Variants in STK32C observed in about 807,000 individuals in gnomAD.
The protein encoded by STK32C is serine/threonine-protein kinase 32C.
In STK32C, 31 loss-of-function variants were observed where a neutral mutation model predicts 56.5. The observed-to-expected ratio is 0.55, with a 90% confidence interval of 0.41 to 0.74. The LOEUF (loss-of-function observed/expected upper bound fraction) is 0.74. STK32C is among the 30% of genes least tolerant of loss of function. The pLI is 0.00. For synonymous variants in STK32C, 309 were observed against 289.4 expected, an observed-to-expected ratio of 1.07 and a Z score of -0.69; for missense variants, 544 against 676.9, an observed-to-expected ratio of 0.80 and a Z score of 2.18.
chr10:132,299,326 A>T (rs181886301), intron 1 of STK32C, among the ~76,000 whole-genome samples: 1 of 140,582 alleles, frequency 7.1e-6, no homozygotes, highest in Non-Finnish European at 1.5e-5. Context: ...AGCCAACAGC[A>T]AACTGAGACC....
chr10:132,307,546 C>T lies in STK32C; in HGVS notation c.262+26G>A, dbSNP rs752481962. The T allele has an allele frequency of 2.6e-6, 4 of 1,539,232 alleles. No individual in the cohort carries two copies. Among genetic ancestry groups the T allele is most frequent in the East Asian group, 5.5e-5 (2 of 36,426 alleles). ...CGCCCCTGCAATAGCGCGCGGCCCC[C>T]ACGTCGTCCCCGTGCCCGCACTCAC... On this transcript the variant is annotated intron_variant, in intron 1 of 11. Transcript: ENST00000298630. The surrounding 1 kb of genome is among the most constrained non-coding windows in gnomAD (Gnocchi z 4.4).
chr10:132,289,540 C>T (rs11146314), intron 1 of STK32C, among the ~76,000 whole-genome samples: 3 of 152,212 alleles, frequency 2.0e-5, no homozygotes, highest in African/African-American at 7.2e-5. Flanking sequence ...GTTCAGGCTA[C>T]TATAACAGAT....
chr10:132,313,019 G>A (rs772310835), intron 1 of STK32C, among the ~76,000 whole-genome samples: 4 of 152,192 alleles, frequency 2.6e-5, no homozygotes, highest in East Asian at 1.9e-4. Context: ...CAGCCTGGGC[G>A]ACAGAGCGAG....
chr10:132,307,790 G>A lies in STK32C; in HGVS notation c.44C>T (p.Ser15Phe). The A allele has an allele frequency of 1.0e-6, 1 of 994,866 alleles. No individual in the cohort carries two copies. The highest frequency in any genetic ancestry group is 1.2e-6 in the Non-Finnish European group (1 of 837,654). 61.6% of individuals were successfully genotyped at this position (994,866 alleles called of 1,614,324 possible). A position where few individuals can be genotyped will look rare whatever the true frequency, so the allele number is the denominator to read the frequency against. Residue 15 changes from serine (S) to phenylalanine (F), a missense_variant, in exon 1 of 12, where the codon TCC becomes TTC. Around this residue, in one of 3 missense-constraint regions of STK32C, gnomAD observed 182 missense variants for 217.7 expected, o/e 0.84. Transcript: ENST00000298630. The surrounding 1 kb of genome is among the most constrained non-coding windows in gnomAD (Gnocchi z 4.4). ...AERRGSSAAA[S>F]PGSPPPGRAR... ...GCGGCCGGGGGGCGGCGAGCCCGGGGACGCCGCGGCGCTGCTGCCCCTGCG... is the reference window on the plus strand; with the variant it reads ...GCGGCCGGGGGGCGGCGAGCCCGGGAACGCCGCGGCGCTGCTGCCCCTGCG...
intron 10 of STK32C, among the ~76,000 whole-genome samples, chr10:132,215,455 G>A (rs547144264): frequency 6.6e-6 from 1 of 151,678 alleles, no homozygotes; most frequent in South Asian, 2.1e-4. Flanking sequence ...CTGTGCTGTT[G>A]TCATGATAGT....
intron 2 of STK32C, among the ~76,000 whole-genome samples, chr10:132,234,716 C>A (rs1236180738): frequency 2.0e-5 from 3 of 152,184 alleles, no homozygotes; most frequent in Non-Finnish European, 4.4e-5. Flanking sequence ...CCTCTTCTTG[C>A]ATCTCTGGCT....
intron 1 of STK32C, chr10:132,330,303 G>A: frequency 1.6e-6 from 1 of 629,592 alleles, no homozygotes; most frequent in Non-Finnish European, 3.0e-6. Context: ...GTTAGTAAAT[G>A]TTTTATTTGT....
chr10:132,213,830 T>A (rs992674815), intron 10 of STK32C, among the ~76,000 whole-genome samples: 11 of 152,070 alleles, frequency 7.2e-5, no homozygotes, highest in African/African-American at 2.4e-4. Flanking sequence ...CAAGGAGGGA[T>A]CAAAAGGAAA....
At position 132,222,935 on chromosome 10, in the gene STK32C, C is replaced by T; in HGVS notation, c.1045G>A (p.Ala349Thr). ...AGCACGCCGGCCAGCGCCGGGGCTGCCTGCACGTCCTGGAGGCTGGAGAGC... is the reference window on the plus strand; with the variant it reads ...AGCACGCCGGCCAGCGCCGGGGCTGTCTGCACGTCCTGGAGGCTGGAGAGC... ...HRLSSLQDVQ[A>T]APALAGVLWD... Residue 349 changes from alanine to threonine, a missense_variant, in exon 9 of 12, where the codon GCA (alanine) becomes ACA (threonine). Transcript: ENST00000298630. 6.4e-7 allele frequency: 1 copy of T among 1,555,360 alleles called. No homozygotes were observed.
exon 1 of STK32C, chr10:132,331,821 T>G: frequency 6.4e-7 from 1 of 1,551,292 alleles, no homozygotes; most frequent in South Asian, 1.1e-5. Flanking sequence ...CCACCACCCC[T>G]TCAAGGCCGC....
downstream of STK32C, among the ~76,000 whole-genome samples, chr10:132,320,750 G>A (rs1331925515): frequency 2.0e-5 from 3 of 152,228 alleles, no homozygotes; most frequent in East Asian, 1.9e-4. Flanking sequence ...GCTTGTGTGA[G>A]GTCAAGGGCA....
chr10:132,214,386 A>G (rs1277520344), intron 10 of STK32C, among the ~76,000 whole-genome samples: 1 of 152,178 alleles, frequency 6.6e-6, no homozygotes, highest in East Asian at 1.9e-4. Context: ...AAAGTAAAAA[A>G]CCTACCAATC....
chr10:132,233,551 A>T (rs552528584), intron 2 of STK32C, among the ~76,000 whole-genome samples: 1 of 152,300 alleles, frequency 6.6e-6, no homozygotes, highest in East Asian at 1.9e-4. Context: ...TCTCAAGAAG[A>T]GGTGGACCCT....
intron 2 of STK32C, among the ~76,000 whole-genome samples, chr10:132,228,749 A>G (rs1248758101): frequency 6.6e-6 from 1 of 152,218 alleles, no homozygotes; most frequent in Non-Finnish European, 1.5e-5. Context: ...AAGCCTCATC[A>G]ACCATGGCTG....
At chr10:132,253,391 C>CTGGAGGGAG (rs1447131848) in intron 1 of STK32C, among the ~76,000 whole-genome samples, 1 of 140,764 alleles carries the variant, frequency 7.1e-6, no homozygotes, top group Non-Finnish European at 1.5e-5. Flanking sequence ...GCCGAGGTAG[C>CTGGAGGGAG]TGGAGGGAGT....
At chr10:132,312,192 G>T (rs1315207234), upstream of STK32C, among the ~76,000 whole-genome samples, 1 of 152,134 alleles carries the variant, frequency 6.6e-6, no homozygotes, top group Non-Finnish European at 1.5e-5. Context: ...GCTTTTGGTA[G>T]AGACAAGGAT....
chr10:132,229,455 C>A (rs534060160), intron 2 of STK32C, among the ~76,000 whole-genome samples: 6 of 152,320 alleles, frequency 3.9e-5, no homozygotes, highest in African/African-American at 1.4e-4. Context: ...CACGACTGTA[C>A]CACTGAACTC....
chr10:132,233,872 C>T (rs1318807712), intron 2 of STK32C, among the ~76,000 whole-genome samples: 3 of 152,248 alleles, frequency 2.0e-5, no homozygotes, highest in Non-Finnish European at 4.4e-5. Context: ...ATGGCCCCTT[C>T]GGCAACAGCT....
intron 1 of STK32C, chr10:132,249,119 G>T (rs990132600): frequency 2.4e-5 from 11 of 461,846 alleles, no homozygotes; most frequent in Middle Eastern, 7.7e-4. Flanking sequence ...GCGTGCCGGG[G>T]CGGGGCTGTG....
Sources: gnomAD v4.1 joint callset for allele counts (sites outside exome capture counted in the v4.1 genomes callset) on GRCh38, gnomAD v4.1.1 for gene constraint, gnomAD v4.1.1 regional missense constraint, Gnocchi (gnomAD v3.1) non-coding constraint, MANE v1.5 for transcripts, NCBI Gene and HGNC (gene_info 2026-07-23, HGNC 2026-07-21) for gene names.